The following SEZ6L variants were observed in gnomAD, a reference collection of about 807,000 sequenced individuals.
SEZ6L encodes the protein seizure related 6 homolog like.
SEZ6L carries 37 observed loss-of-function variants against 106.2 expected under a neutral mutation model. The observed-to-expected ratio is 0.35, with a 90% confidence interval of 0.27 to 0.46. The LOEUF (loss-of-function observed/expected upper bound fraction) is 0.46, where lower values mean the gene tolerates loss of function less well. SEZ6L is among the 20% of genes least tolerant of loss of function. The probability of loss-of-function intolerance (pLI) is 1.00; values close to 1 mark genes in which losing one functional copy is unlikely to be tolerated. For synonymous variants in SEZ6L, 541 were observed against 570.4 expected (o/e 0.95, Z 0.73); for missense variants, 1,172 against 1,332.8 (o/e 0.88, Z 1.88).
chr22:26,373,336 C>A (rs1045701997), intron 13 of SEZ6L, 115 bp from the exon 14 acceptor site: 2 of 836,700 alleles, frequency 2.4e-6, no homozygotes, highest in Non-Finnish European at 3.9e-6. Context: ...AAAAACATAC[C>A]ACTAACTTCA....
chr22:26,339,502 G>A (rs888371070), intron 9 of SEZ6L, among the ~76,000 whole-genome samples: 4 of 152,168 alleles, frequency 2.6e-5, no homozygotes, highest in Non-Finnish European at 4.4e-5. Context: ...ATCCACTGTG[G>A]TTTAATTATT....
At chr22:26,370,840 C>A (rs2084006850) in intron 13 of SEZ6L, among the ~76,000 whole-genome samples, 1 of 151,708 alleles carries the variant, frequency 6.6e-6, no homozygotes, top group Non-Finnish European at 1.5e-5. Context: ...CTCATTTCTA[C>A]AAAAAATCAA....
At position 26,290,879 on chromosome 22, in the gene SEZ6L, G is replaced by A. The variant is rs906405455; in HGVS notation, c.95-1527G>A. 2.6e-5 allele frequency among the ~76,000 whole-genome samples: 4 copies of A among 152,144 alleles called. No individual in the cohort carries two copies. The East Asian group carries it at 5.8e-4, about 22-fold the overall frequency. ...CAGTCCTCTGTTCTGAATCTGCCTC[G>A]TGACTCTGAATCCTAAAACATTTCT... On this transcript the variant is annotated intron_variant, in intron 1 of 16. Transcript: ENST00000248933.
chr22:26,296,260 C>G (rs1234490316), intron 3 of SEZ6L, among the ~76,000 whole-genome samples: 1 of 152,148 alleles, frequency 6.6e-6, no homozygotes, highest in Non-Finnish European at 1.5e-5. Flanking sequence ...GATTGTCCTG[C>G]AGTTGTAGCC....
chr22:26,310,627 A>C, intron 6 of SEZ6L, 43 bp from the exon 7 acceptor site: 1 of 1,607,822 alleles, frequency 6.2e-7, no homozygotes, highest in South Asian at 1.1e-5. Flanking sequence ...TCAGTGACCC[A>C]GGAAGATCTG....
At chr22:26,292,145 A>AAAGG (rs71192911) in intron 1 of SEZ6L, 264 of 386,420 alleles carry the variant, frequency 6.8e-4, no homozygotes, top group Middle Eastern at 2.0e-3. Flanking sequence ...AGAAAGAAAG[A>AAAGG]AAGGAAGGAA....
chr22:26,233,338 G>A (rs543678263), intron 1 of SEZ6L, among the ~76,000 whole-genome samples: 19 of 152,304 alleles, frequency 1.2e-4, no homozygotes, highest in Non-Finnish European at 1.9e-4. Flanking sequence ...GCACATCTTT[G>A]CAGGTGGAAG....
intron 11 of SEZ6L, among the ~76,000 whole-genome samples, chr22:26,349,823 T>C (rs986382570): frequency 1.3e-5 from 2 of 152,246 alleles, no homozygotes; most frequent in Non-Finnish European, 2.9e-5. Flanking sequence ...TGCTTTTTTT[T>C]CAGCTCAGAA....
intron 1 of SEZ6L, among the ~76,000 whole-genome samples, chr22:26,224,689 T>C (rs75792020): frequency 0.018 from 2,711 of 152,190 alleles, 31 homozygotes; most frequent in Non-Finnish European, 0.027. Context: ...AGATACAGGA[T>C]ATGTTTTAGA....
At position 26,315,478 on chromosome 22, in the gene SEZ6L, C is replaced by CA. The variant is rs1285971820; in HGVS notation, c.2015+1586dup. Among the ~76,000 whole-genome samples the CA allele has an allele frequency of 3.2e-3, 470 of 147,202 alleles. 12 individuals are homozygous for CA. The highest frequency in any genetic ancestry group is 0.024 in the Admixed American group (355 of 14,790). ...TGGGTGACAGAGTAAGACCTTGTCT[C>CA]AAAAAAAAAAGAAGTGTCCCCAGAG... is the stretch of plus-strand genomic sequence containing the variant. On this transcript the variant is annotated intron_variant, in intron 9 of 16. Coordinates refer to ENST00000248933, the MANE Select transcript of SEZ6L (RefSeq NM_021115.5).
chr22:26,304,879 T>C (rs1428642300), intron 5 of SEZ6L, among the ~76,000 whole-genome samples: 1 of 152,234 alleles, frequency 6.6e-6, no homozygotes, highest in Non-Finnish European at 1.5e-5. Flanking sequence ...CACTTAACAA[T>C]GGGGATATGT....
chr22:26,311,794 C>A lies in SEZ6L; in HGVS notation c.1708C>A (p.Pro570Thr). 1.2e-6 allele frequency: 2 copies of A among 1,614,196 alleles called. No homozygotes were observed. Among genetic ancestry groups the A allele is most frequent in the Non-Finnish European group, 8.5e-7 (1 of 1,180,038 alleles). ...EAFEKGHCYE[P>T]YIQNGNFTTS... ...GTTTGAGAAAGGCCACTGCTATGAG[C>A]CCTACATCCAGAATGGGAACTTCAC... is the stretch of plus-strand genomic sequence containing the variant. Residue 570 changes from proline to threonine, a missense_variant, in exon 8 of 17, where the codon CCC (proline) becomes ACC (threonine). Pro to Thr is a conservative substitution (Grantham distance 38). Coordinates refer to ENST00000248933, the MANE Select transcript of SEZ6L (RefSeq NM_021115.5).
At chr22:26,215,983 C>T (rs2078287539) in intron 1 of SEZ6L, among the ~76,000 whole-genome samples, 1 of 152,194 alleles carries the variant, frequency 6.6e-6, no homozygotes, top group Non-Finnish European at 1.5e-5. Context: ...CCCGGATGCT[C>T]CTTATTGCAT....
chr22:26,187,368 G>A (rs1376237371), intron 1 of SEZ6L, among the ~76,000 whole-genome samples: 1 of 152,164 alleles, frequency 6.6e-6, no homozygotes, highest in Admixed American at 6.5e-5. Flanking sequence ...CTCCCAACAC[G>A]TGGGGATTAC....
At chr22:26,265,817 C>T (rs918278458) in intron 1 of SEZ6L, among the ~76,000 whole-genome samples, 2 of 152,142 alleles carry the variant, frequency 1.3e-5, no homozygotes, top group Non-Finnish European at 2.9e-5. Context: ...GTCCTAGGAG[C>T]AGATAGGGAG....
intron 1 of SEZ6L, among the ~76,000 whole-genome samples, chr22:26,279,165 G>A (rs1253517753): frequency 7.9e-5 from 12 of 152,184 alleles, no homozygotes; most frequent in Admixed American, 7.2e-4. Context: ...CAACACCACT[G>A]CAAGTAATCA....
intron 6 of SEZ6L, among the ~76,000 whole-genome samples, chr22:26,307,622 G>A (rs604459): frequency 0.46 from 69,640 of 151,954 alleles, 17,228 homozygotes; most frequent in African/African-American, 0.62. Flanking sequence ...GCTCCCGAAC[G>A]TGGCTTTTTA....
At chr22:26,250,707 T>C (rs2079546656) in intron 1 of SEZ6L, among the ~76,000 whole-genome samples, 1 of 152,212 alleles carries the variant, frequency 6.6e-6, no homozygotes, top group Non-Finnish European at 1.5e-5. Context: ...ATGTCATTGG[T>C]ATTTTATAGG....
intron 1 of SEZ6L, among the ~76,000 whole-genome samples, chr22:26,261,147 G>A (rs529953755): frequency 6.6e-6 from 1 of 152,252 alleles, no homozygotes; most frequent in South Asian, 2.1e-4. Flanking sequence ...TTTGTTGGAC[G>A]TATAGAGTGT....
Sources: allele counts gnomAD v4.1 joint callset (sites outside exome capture counted in the v4.1 genomes callset), GRCh38; gene constraint gnomAD v4.1.1; transcripts MANE v1.5; gene names NCBI Gene and HGNC (gene_info 2026-07-23, HGNC 2026-07-21).